Variants in AGTPBP1 observed in about 807,000 individuals in gnomAD.
AGTPBP1 encodes the protein cytosolic carboxypeptidase 1.
AGTPBP1 carries 70 observed loss-of-function variants against 143.9 expected under a neutral mutation model. The observed-to-expected ratio is 0.49, with a 90% CI of 0.40 to 0.59. The LOEUF (loss-of-function observed/expected upper bound fraction) is 0.59, where lower values mean the gene tolerates loss of function less well. Ranked by LOEUF, AGTPBP1 falls within the 20% of genes least tolerant of loss-of-function variation. The pLI is 0.00. For missense variants in AGTPBP1, 1,229 were observed against 1,464.5 expected (o/e 0.84, Z 2.62); for synonymous variants, 463 against 500.2 (o/e 0.93, Z 0.99).
chr9:85,624,513 A>G (rs868559977), intron 14 of AGTPBP1, among the ~76,000 whole-genome samples: 8 of 152,200 alleles, frequency 5.3e-5, no homozygotes, highest in Admixed American at 4.6e-4. Context: ...CAAAATGCCT[A>G]AAATGTCTTT....
chr9:85,588,580 T>C, intron 20 of AGTPBP1, 102 bp from the exon 21 acceptor site: 1 of 1,154,506 alleles, frequency 8.7e-7, no homozygotes, highest in East Asian at 2.6e-5. Context: ...TTGTGAATTC[T>C]AATATAAATT....
At chr9:85,640,047 AT>A (rs1832366843) in intron 13 of AGTPBP1, among the ~76,000 whole-genome samples, 1 of 152,242 alleles carries the variant, frequency 6.6e-6, no homozygotes, top group Non-Finnish European at 1.5e-5. Context: ...GATGCTGAAA[AT>A]AATATACAAA....
chr9:85,744,676 C>T (rs1218422529), upstream of AGTPBP1, among the ~76,000 whole-genome samples: 1 of 152,170 alleles, frequency 6.6e-6, no homozygotes, highest in African/African-American at 2.4e-5. Flanking sequence ...TTGTGTAAGG[C>T]GCAAATTCCT....
chr9:85,633,798 TA>T (rs1320304980), intron 13 of AGTPBP1, among the ~76,000 whole-genome samples: 1 of 151,562 alleles, frequency 6.6e-6, no homozygotes, highest in African/African-American at 2.4e-5. Context: ...GACATTTGTA[TA>T]GGGGTAGAAA....
intron 17 of AGTPBP1, among the ~76,000 whole-genome samples, chr9:85,616,135 G>A (rs554800311): frequency 2.0e-5 from 3 of 152,076 alleles, no homozygotes; most frequent in South Asian, 2.1e-4. Context: ...AGCAACAAAT[G>A]TGAAAGTGAT....
intron 1 of AGTPBP1, chr9:85,741,131 G>T: frequency 2.6e-6 from 2 of 781,134 alleles, no homozygotes; most frequent in Non-Finnish European, 3.1e-6. Context: ...AGGAAACTCT[G>T]CACTGTCATC....
At chr9:85,621,417 AT>A in intron 14 of AGTPBP1, 132 bp from the exon 15 acceptor site, 1 of 382,028 alleles carries the variant, frequency 2.6e-6, no homozygotes, top group East Asian at 4.0e-5. Flanking sequence ...CTCTATCTAT[AT>A]ATTTTGCATA....
intron 11 of AGTPBP1, among the ~76,000 whole-genome samples, chr9:85,651,066 A>G (rs536789551): frequency 6.6e-6 from 1 of 152,152 alleles, no homozygotes; most frequent in Non-Finnish European, 1.5e-5. Flanking sequence ...TTTTAACCCA[A>G]TCTGGGAGTC....
intron 1 of AGTPBP1, among the ~76,000 whole-genome samples, chr9:85,736,460 A>T (rs1486561406): frequency 6.6e-6 from 1 of 152,188 alleles, no homozygotes; most frequent in Non-Finnish European, 1.5e-5. Flanking sequence ...ATTCGAAAGT[A>T]TATATTATCA....
intron 4 of AGTPBP1, among the ~76,000 whole-genome samples, chr9:85,679,688 G>A (rs1330779060): frequency 6.6e-6 from 1 of 152,150 alleles, no homozygotes; most frequent in African/African-American, 2.4e-5. Flanking sequence ...GATTACAGGC[G>A]TGAGCCACCA....
Position 85,553,667 on chromosome 9 carries a change from T to C in AGTPBP1, c.3504-6381A>G, listed in dbSNP as rs568876739. 4.7e-4 allele frequency among the ~76,000 whole-genome samples: 71 copies of C among 152,360 alleles called. 1 individual carries two copies. The South Asian group carries it at 6.0e-3, about 13-fold the overall frequency. Reference sequence around the variant, plus strand: ...CTATGTCACTATTTTGCCATTGAACTAAAACATTCCTTACACATAATGAAA... The same window carrying C: ...CTATGTCACTATTTTGCCATTGAACCAAAACATTCCTTACACATAATGAAA... On this transcript the variant is annotated intron_variant, in intron 25 of 25. Coordinates refer to ENST00000357081, the MANE Select transcript of AGTPBP1 (RefSeq NM_001330701.2).
rs182333168 is a variant in AGTPBP1, at chr9:85,613,996, C to T, written c.2335+4987G>A. On this transcript the variant is annotated intron_variant, in intron 17 of 25. Transcript: ENST00000357081. Reference sequence around the variant, plus strand: ...CCAAAGGTTATAGACTATATGGTCACATTACATTCATTGATAAATGCAAAA... The same window carrying T: ...CCAAAGGTTATAGACTATATGGTCATATTACATTCATTGATAAATGCAAAA... Among the ~76,000 whole-genome samples the T allele has an allele frequency of 3.0e-3, 451 of 151,956 alleles. 3 individuals are homozygous for T. Among genetic ancestry groups the T allele is most frequent in the African/African-American group, 0.01 (434 of 41,470 alleles).
intron 25 of AGTPBP1, among the ~76,000 whole-genome samples, chr9:85,565,107 C>T (rs1025768142): frequency 6.6e-6 from 1 of 152,188 alleles, no homozygotes; most frequent in African/African-American, 2.4e-5. Flanking sequence ...ATAAGCCATC[C>T]AGCCTATTGT....
At chr9:85,803,791 A>G in the AGTPBP1 span, among the ~76,000 whole-genome samples, 1 of 152,136 alleles carries the variant, frequency 6.6e-6, no homozygotes, top group Admixed American at 6.5e-5. Flanking sequence ...CAACCCTTTG[A>G]ATTCTTAAAA....
At position 85,603,238 on chromosome 9, in the gene AGTPBP1, G is replaced by T. The variant is rs184735193; in HGVS notation, c.2336-6789C>A. ...CAATCCCAGGAAGCACAGCTTGTAGGTCCAGGAGAGACTTCTTCTTTCAGC... is the reference window on the plus strand; with the variant it reads ...CAATCCCAGGAAGCACAGCTTGTAGTTCCAGGAGAGACTTCTTCTTTCAGC... On this transcript the variant is annotated intron_variant, in intron 17 of 25. Transcript: ENST00000357081. Among the ~76,000 whole-genome samples, 76 of 152,300 alleles carry T rather than the reference G, an allele frequency of 5.0e-4. 2 individuals are homozygous for T. The East Asian group carries it at 0.012, about 24-fold the overall frequency.
intron 17 of AGTPBP1, among the ~76,000 whole-genome samples, chr9:85,602,284 A>G (rs560048092): frequency 6.0e-4 from 92 of 152,328 alleles, no homozygotes; most frequent in African/African-American, 2.1e-3. Context: ...TGAGAAATTT[A>G]ACAAAACAGA....
At chr9:85,557,144 A>T (rs1053970416) in intron 25 of AGTPBP1, among the ~76,000 whole-genome samples, 7 of 152,232 alleles carry the variant, frequency 4.6e-5, no homozygotes, top group Non-Finnish European at 8.8e-5. Flanking sequence ...AAATAGCCAT[A>T]AACATATACA....
intron 17 of AGTPBP1, among the ~76,000 whole-genome samples, chr9:85,603,282 G>A (rs149160200): frequency 6.6e-6 from 1 of 152,306 alleles, no homozygotes; most frequent in Non-Finnish European, 1.5e-5. Flanking sequence ...GGAGACGGGA[G>A]AGTAAAAAGG....
At chr9:85,561,094 G>A (rs144630617) in intron 25 of AGTPBP1, among the ~76,000 whole-genome samples, 294 of 152,198 alleles carry the variant, frequency 1.9e-3, no homozygotes, top group African/African-American at 6.6e-3. Context: ...ATTTTCGGCC[G>A]GGTGTGGTGA....
Sources: allele counts gnomAD v4.1 joint callset (sites outside exome capture counted in the v4.1 genomes callset), GRCh38; gene constraint gnomAD v4.1.1; transcripts MANE v1.5; gene names NCBI Gene and HGNC (gene_info 2026-07-23, HGNC 2026-07-21).